NHS: variants seen among roughly 807,000 people sequenced by gnomAD.
NHS encodes NHS actin remodeling regulator, also known as actin remodeling regulator NHS.
NHS carries 5 observed loss-of-function variants against 72.5 expected under a neutral mutation model. The ratio of observed to expected loss-of-function variants is 0.07; its 90% CI spans 0.04 to 0.14. NHS has a LOEUF of 0.14. Among genes scored for constraint, NHS ranks in the 10% least tolerant of loss-of-function variants. The pLI is 1.00. For synonymous variants in NHS, 464 were observed against 547.7 expected (o/e 0.85, Z 2.13); for missense variants, 1,072 against 1,355.7 (o/e 0.79, Z 3.29).
In NHS at chrX:17,688,252, C is replaced by G. The variant is rs187756639; in HGVS notation, c.718+358C>G. ...TGGATTAAGTACAGACCTTCAGAAA[C>G]TATTCCGAGGGGCAGGAGGGCATGA... On this transcript the variant is annotated intron_variant, in intron 2 of 8. Transcript: ENST00000676302. Among the ~76,000 whole-genome samples, 119 of 111,771 alleles carry G rather than the reference C, an allele frequency of 1.1e-3. 1 individual carries two copies. Among genetic ancestry groups the G allele is most frequent in the Admixed American group, 9.0e-3 (95 of 10,575 alleles).
At position 17,727,621 on chromosome X, in the gene NHS, C is replaced by T. The variant is rs149099378; in HGVS notation, c.3515C>T (p.Thr1172Met). The change falls in exon 7 of 9, where the codon ACG (threonine) becomes ATG (methionine). Residue 1172 changes from threonine to methionine, a missense_variant. By Grantham distance (81) the Thr-to-Met change is moderately conservative (BLOSUM62 -1). Transcript: ENST00000676302. ...LPYLEESTLT[T>M]AALSPSKIRP... ...TATTTAGAGGAAAGCACACTCACAACGGCTGCCTTGTCTCCAAGTAAGATT... is the reference window on the plus strand; with the variant it reads ...TATTTAGAGGAAAGCACACTCACAATGGCTGCCTTGTCTCCAAGTAAGATT... The T allele has an allele frequency of 1.2e-5, 14 of 1,209,470 alleles. No individual in the cohort carries two copies. The highest frequency in any genetic ancestry group is 2.3e-4 in the Middle Eastern group (1 of 4,351).
At chrX:17,671,755 G>A (rs1214308985) in intron 1 of NHS, among the ~76,000 whole-genome samples, 1 of 112,036 alleles carries the variant, frequency 8.9e-6, no homozygotes, top group Non-Finnish European at 1.9e-5. Context: ...GCTGTGATAG[G>A]ATTACATTTG....
chrX:17,425,568 A>AAAAAAAAAAAAAAAAAAAAAAAAAAG (rs2064651928), intron 1 of NHS, among the ~76,000 whole-genome samples: 1 of 77,078 alleles, frequency 1.3e-5, no homozygotes, highest in African/African-American at 6.3e-5. Context: ...AAAAAAAAAA[A>AAAAAAAAAAAAAAAAAAAAAAAAAAG]AAAGAAAGAA....
intron 1 of NHS, among the ~76,000 whole-genome samples, chrX:17,492,621 G>T (rs1160087184): frequency 8.9e-6 from 1 of 112,203 alleles, no homozygotes; most frequent in East Asian, 2.8e-4. Context: ...TTGATTTAGG[G>T]TGGAGAGTTC....
At chrX:17,582,250 G>A (rs1452105385) in intron 1 of NHS, among the ~76,000 whole-genome samples, 2 of 112,536 alleles carry the variant, frequency 1.8e-5, no homozygotes, top group Non-Finnish European at 3.7e-5. Context: ...TCTGTTGCCT[G>A]AGGGTGTTTC....
intron 1 of NHS, among the ~76,000 whole-genome samples, chrX:17,625,092 CAT>C (rs1381868714): frequency 8.9e-6 from 1 of 111,988 alleles, no homozygotes; most frequent in African/African-American, 3.2e-5. Context: ...TTATATATAA[CAT>C]GTTTATAAAT....
chrX:17,383,118 C>T (rs774773795), intron 1 of NHS, among the ~76,000 whole-genome samples: 2 of 112,170 alleles, frequency 1.8e-5, no homozygotes, highest in East Asian at 5.6e-4. Flanking sequence ...TGCTGTCTTC[C>T]TTTCTCCATC....
chrX:17,646,047 G>A (rs1165591493), intron 1 of NHS, among the ~76,000 whole-genome samples: 1 of 111,619 alleles, frequency 9.0e-6, no homozygotes, highest in Non-Finnish European at 1.9e-5. Context: ...GAACTCCTGG[G>A]CGGAAGCAAT....
chrX:17,572,149 T>C, intron 1 of NHS, among the ~76,000 whole-genome samples: 1 of 111,906 alleles, frequency 8.9e-6, no homozygotes, highest in East Asian at 2.8e-4. Context: ...TCTGTTGATT[T>C]GGGGTGGAGA....
At position 17,687,909 on chromosome X, in the gene NHS, G is replaced by C; in HGVS notation, c.718+15G>C. On this transcript the variant is annotated intron_variant, in intron 2 of 8. Transcript: ENST00000676302. ...CCTGCGCAGAGGTGACAGATCCTGG[G>C]CTTGGGGGCTTTTGCGGGAGACAAC... 1.7e-6 allele frequency: 2 copies of C among 1,205,979 alleles called. No homozygotes were observed. The highest frequency in any genetic ancestry group is 2.4e-4 in the Middle Eastern group (1 of 4,133).
chrX:17,615,250 A>C (rs201521113), intron 1 of NHS, among the ~76,000 whole-genome samples: 24 of 88,791 alleles, frequency 2.7e-4, no homozygotes, highest in African/African-American at 1.0e-3. Context: ...ATATATATAC[A>C]CATATATACA....
rs184829566 is a variant in NHS, at chrX:17,423,988, G to A, written c.565+47666G>A. Reference sequence around the variant, plus strand: ...TATTTTATGCCTTGCTACTAACTTGGCTTATCAGTTGGCATGACCTCTGAA... The same window carrying A: ...TATTTTATGCCTTGCTACTAACTTGACTTATCAGTTGGCATGACCTCTGAA... On this transcript the variant is annotated intron_variant, in intron 1 of 8. Transcript: ENST00000676302. Among the ~76,000 whole-genome samples the A allele has an allele frequency of 2.8e-3, 309 of 112,118 alleles. 2 individuals carry two copies. The highest frequency in any genetic ancestry group is 5.2e-3 in the Non-Finnish European group (278 of 53,227).
chrX:17,618,784 A>ATT (rs1438162510), intron 1 of NHS, among the ~76,000 whole-genome samples: 3 of 112,023 alleles, frequency 2.7e-5, no homozygotes, highest in African/African-American at 9.7e-5. Context: ...TCTGATTGTC[A>ATT]CCTGGAGGAG....
intron 1 of NHS, among the ~76,000 whole-genome samples, chrX:17,656,234 G>A (rs1208662192): frequency 8.8e-6 from 1 of 113,078 alleles, no homozygotes; most frequent in Non-Finnish European, 1.9e-5. Flanking sequence ...CTGCACCAGG[G>A]GAACGATGCA....
At chrX:17,414,966 C>T (rs1358693920) in intron 1 of NHS, among the ~76,000 whole-genome samples, 5 of 111,127 alleles carry the variant, frequency 4.5e-5, no homozygotes, top group Admixed American at 1.9e-4. Context: ...TCTCTGTTGC[C>T]CTTGGCAACA....
chrX:17,514,515 C>A (rs2065108776), intron 1 of NHS, among the ~76,000 whole-genome samples: 1 of 112,260 alleles, frequency 8.9e-6, no homozygotes, highest in South Asian at 3.7e-4. Flanking sequence ...CTGAAGGCTG[C>A]ACTGTTGGCT....
At chrX:17,419,203 C>T (rs11094731) in intron 1 of NHS, among the ~76,000 whole-genome samples, 13,388 of 112,211 alleles carry the variant, frequency 0.12, 789 homozygotes, top group African/African-American at 0.22. Flanking sequence ...GTACTGCTTA[C>T]GGGCAGATCA....
At chrX:17,471,266 G>C (rs1465664772) in intron 1 of NHS, among the ~76,000 whole-genome samples, 1 of 111,709 alleles carries the variant, frequency 9.0e-6, no homozygotes, top group Admixed American at 9.5e-5. Context: ...GTATATGTCT[G>C]TTATATCTCT....
chrX:17,675,829 G>T (rs147982432), intron 1 of NHS, among the ~76,000 whole-genome samples: 19 of 112,188 alleles, frequency 1.7e-4, no homozygotes, highest in Admixed American at 1.3e-3. Context: ...TGGCTTGCAG[G>T]CTCATGTATT....
Sources: allele counts gnomAD v4.1 joint callset (sites outside exome capture counted in the v4.1 genomes callset), GRCh38; gene constraint gnomAD v4.1.1; transcripts MANE v1.5; gene names NCBI Gene and HGNC (gene_info 2026-07-23, HGNC 2026-07-21).